The following TRIM22 variants were observed in gnomAD, a reference collection of about 807,000 sequenced individuals.
The protein encoded by TRIM22 is E3 ubiquitin-protein ligase TRIM22.
TRIM22 carries 45 observed loss-of-function variants against 53.6 expected under a neutral mutation model. That is an observed-to-expected ratio of 0.84 (90% CI 0.66 to 1.08). TRIM22 has a LOEUF of 1.08. Ranked by LOEUF, TRIM22 falls within the 50% of genes least tolerant of loss-of-function variation. The pLI is 0.00. For synonymous variants in TRIM22, 225 were observed against 216.6 expected, an observed-to-expected ratio of 1.04 and a Z score of -0.34; for missense variants, 616 against 590.9, an observed-to-expected ratio of 1.04 and a Z score of -0.44.
chr11:5,696,225 G>A lies in TRIM22; in HGVS notation c.-8G>A, dbSNP rs774835814. On this transcript the variant is annotated 5_prime_UTR_variant, in exon 2 of 8. Coordinates refer to ENST00000379965, the MANE Select transcript of TRIM22 (RefSeq NM_006074.5). Reference sequence around the variant, plus strand: ...GTCAAGACAGAAGGAAGCCAAGGGAGCAGTGCAATGGATTTCTCAGTAAAG... The same window carrying A: ...GTCAAGACAGAAGGAAGCCAAGGGAACAGTGCAATGGATTTCTCAGTAAAG... 2 of 1,595,668 alleles carry A rather than the reference G, an allele frequency of 1.3e-6. No homozygotes were observed. The highest frequency in any genetic ancestry group is 1.1e-5 in the South Asian group (1 of 87,582).
rs61735271 is a variant in TRIM22 at position 5,696,550 on chromosome 11, C to T, written c.318C>T (p.Ile106=). ...AGCACCATGGAAAAAAACTCCAGAT[C>T]TTCTGTAAGGAGGATGGAAAAGTCA... is the stretch of plus-strand genomic sequence containing the variant. ...VCEHHGKKLQ[I]FCKEDGKVIC... Residue 106 remains isoleucine, a synonymous_variant, in exon 2 of 8, where the codon ATC becomes ATT. Transcript: ENST00000379965. 1.6e-3 allele frequency: 2,590 copies of T among 1,614,230 alleles called. 8 individuals are homozygous for T. The highest frequency in any genetic ancestry group is 0.014 in the African/African-American group (1,056 of 75,044).
At chr11:5,708,729 T>C in intron 7 of TRIM22, 126 bp downstream of exon 7, 2 of 950,300 alleles carry the variant, frequency 2.1e-6, no homozygotes, top group Non-Finnish European at 3.0e-6. Flanking sequence ...TTTTTTTTTT[T>C]TTTTAAGATA....
chr11:5,702,780 G>A (rs1371905060), intron 4 of TRIM22, among the ~76,000 whole-genome samples: 3 of 151,992 alleles, frequency 2.0e-5, no homozygotes, highest in Non-Finnish European at 4.4e-5. Context: ...TTCTCTCTTT[G>A]TGAAGATCTG....
At chr11:5,696,874 G>C in intron 2 of TRIM22, 1 of 549,818 alleles carries the variant, frequency 1.8e-6, no homozygotes, top group Non-Finnish European at 3.2e-6. Flanking sequence ...AGGAAAAGTT[G>C]AATGAATGGA....
chr11:5,697,474 C>G (rs1164085087), intron 3 of TRIM22, 131 bp downstream of exon 3: 2 of 609,522 alleles, frequency 3.3e-6, no homozygotes, highest in Middle Eastern at 4.6e-4. Flanking sequence ...GATTAGGTCT[C>G]AATTTAACTC....
chr11:5,708,221 A>C lies in TRIM22; in HGVS notation c.822A>C (p.Leu274=). The C allele has an allele frequency of 2.5e-6, 4 of 1,614,252 alleles. No homozygotes were observed. The highest frequency in any genetic ancestry group is 3.4e-6 in the Non-Finnish European group (4 of 1,180,034). ...AGCCAAAATCTGTTTCCAAGAAACTAAAGAGTGTATTCCGAGTACCAGATC... is the reference window on the plus strand; with the variant it reads ...AGCCAAAATCTGTTTCCAAGAAACTCAAGAGTGTATTCCGAGTACCAGATC... The part of the protein sequence containing the change: ...LKKPKSVSKK[L]KSVFRVPDLS... Residue 274 remains leucine (L), a synonymous_variant, in exon 6 of 8, where the codon CTA becomes CTC. Transcript: ENST00000379965.
chr11:5,706,965 A>G (rs1393398476), intron 5 of TRIM22, among the ~76,000 whole-genome samples: 2 of 152,236 alleles, frequency 1.3e-5, no homozygotes, highest in East Asian at 1.9e-4. Context: ...CCAGACTCCA[A>G]ATTTTTCAGA....
chr11:5,696,223 G>T lies in TRIM22; in HGVS notation c.-10G>T, dbSNP rs1390729703. 1 of 1,594,496 alleles carries T rather than the reference G, an allele frequency of 6.3e-7. No individual in the cohort carries two copies. Among genetic ancestry groups the T allele is most frequent in the Non-Finnish European group, 8.5e-7 (1 of 1,170,616 alleles). On this transcript the variant is annotated 5_prime_UTR_variant, in exon 2 of 8. Coordinates refer to ENST00000379965, the MANE Select transcript of TRIM22 (RefSeq NM_006074.5). The stretch of plus-strand genomic sequence containing the variant: ...GAGTCAAGACAGAAGGAAGCCAAGG[G>T]AGCAGTGCAATGGATTTCTCAGTAA...
intron 4 of TRIM22, among the ~76,000 whole-genome samples, chr11:5,704,991 G>A (rs1853437795): frequency 1.3e-5 from 2 of 152,132 alleles, no homozygotes; most frequent in African/African-American, 2.4e-5. Context: ...GACAATATTT[G>A]TTTGTCTGTC....
chr11:5,709,345 C>T lies in TRIM22; in HGVS notation c.1194C>T (p.Tyr398=), dbSNP rs776177945. Residue 398 remains tyrosine (Y), a synonymous_variant, in exon 8 of 8, where the codon TAC becomes TAT. Coordinates refer to ENST00000379965, the MANE Select transcript of TRIM22 (RefSeq NM_006074.5). ...CAAGTGTAAATTATTCAAAAGTTTA[C>T]TCCAGATATAGACCTCAATATGGCT... The part of the protein sequence containing the change: ...FDPSVNYSKV[Y]SRYRPQYGYW... 8.7e-6 allele frequency: 14 copies of T among 1,614,058 alleles called. No homozygotes were observed. In the African/African-American group the frequency reaches 1.9e-4, roughly 22 times the overall value.
At chr11:5,697,442 T>C in intron 3 of TRIM22, 99 bp downstream of exon 3, 9 of 808,294 alleles carry the variant, frequency 1.1e-5, no homozygotes, top group Non-Finnish European at 1.7e-5. Context: ...TGTGCTAGAA[T>C]TAACAAGCAT....
intron 4 of TRIM22, among the ~76,000 whole-genome samples, chr11:5,706,213 T>C (rs1224809924): frequency 6.6e-6 from 1 of 152,202 alleles, no homozygotes; most frequent in Non-Finnish European, 1.5e-5. Context: ...AGCATCTTCC[T>C]AACACCCTCA....
chr11:5,709,505 G>C lies in TRIM22; in HGVS notation c.1354G>C (p.Gly452Arg). ...RIGVFLDYEA[G>R]IVSFFNVTNH... ...TGGGGTTTTCCTAGACTATGAGGCA[G>C]GCATTGTCTCATTTTTCAATGTCAC... Residue 452 changes from glycine (G) to arginine (R), a missense_variant, in exon 8 of 8, where the codon GGC (glycine) becomes CGC (arginine). Transcript: ENST00000379965. 1 of 1,614,092 alleles carries C rather than the reference G, an allele frequency of 6.2e-7. No individual in the cohort carries two copies. The highest frequency in any genetic ancestry group is 8.5e-7 in the Non-Finnish European group (1 of 1,179,992).
intron 1 of TRIM22, among the ~76,000 whole-genome samples, chr11:5,692,236 T>A (rs575461019): frequency 3.3e-5 from 5 of 152,318 alleles, no homozygotes; most frequent in Admixed American, 2.0e-4. Flanking sequence ...CAATAGGATG[T>A]GGTATCTGTA....
At chr11:5,708,647 TG>T (rs765111577) in intron 7 of TRIM22, 44 bp downstream of exon 7, 2 of 1,569,758 alleles carry the variant, frequency 1.3e-6, no homozygotes, top group Non-Finnish European at 1.7e-6. Flanking sequence ...TTCAGAATTG[TG>T]GTTACTATTA....
intron 4 of TRIM22, among the ~76,000 whole-genome samples, chr11:5,700,452 T>C (rs1209761837): frequency 6.6e-6 from 1 of 152,092 alleles, no homozygotes. Context: ...TTGCTTGTTT[T>C]ATTACACTAG....
chr11:5,708,341 A>C, intron 6 of TRIM22, 68 bp downstream of exon 6: 1 of 1,408,212 alleles, frequency 7.1e-7, no homozygotes, highest in Non-Finnish European at 1.0e-6. Flanking sequence ...GGGAAGCGGG[A>C]GGTTTTTTTA....
intron 4 of TRIM22, among the ~76,000 whole-genome samples, chr11:5,703,654 G>C (rs1853410863): frequency 6.6e-6 from 1 of 150,928 alleles, no homozygotes; most frequent in African/African-American, 2.4e-5. Flanking sequence ...CAAAGTGCTG[G>C]GACTACAGGC....
chr11:5,691,302 G>C (rs905267738), intron 1 of TRIM22: 1 of 152,428 alleles, frequency 6.6e-6, no homozygotes. Context: ...GTCCGCGTGA[G>C]AGGGTCGTGA....
Sources: gnomAD v4.1 joint callset for allele counts (sites outside exome capture counted in the v4.1 genomes callset) on GRCh38, gnomAD v4.1.1 for gene constraint, MANE v1.5 for transcripts, NCBI Gene and HGNC (gene_info 2026-07-23, HGNC 2026-07-21) for gene names.